PTPRD: variants seen among roughly 807,000 people sequenced by gnomAD.
The protein encoded by PTPRD is protein tyrosine phosphatase receptor type D.
A neutral mutation model predicts 214.5 loss-of-function variants in PTPRD; 34 were observed. The ratio of observed to expected loss-of-function variants is 0.16; its 90% confidence interval spans 0.12 to 0.21. The LOEUF is 0.21. Among genes scored for constraint, PTPRD ranks in the 10% least tolerant of loss-of-function variants. PTPRD has a pLI of 1.00. For missense variants in PTPRD, 2,545 were observed against 2,398.7 expected, an observed-to-expected ratio of 1.06 and a Z score of -1.27; for synonymous variants, 1,128 against 845.7, an observed-to-expected ratio of 1.33 and a Z score of -5.79.
intron 5 of PTPRD, among the ~76,000 whole-genome samples, chr9:9,867,828 A>G (rs1600288568): frequency 1.3e-5 from 2 of 152,316 alleles, no homozygotes; most frequent in South Asian, 2.1e-4. Context: ...CAACCAGTGA[A>G]GAAGATTCAA....
At chr9:9,138,408 T>G (rs974071408) in intron 10 of PTPRD, among the ~76,000 whole-genome samples, 3 of 152,192 alleles carry the variant, frequency 2.0e-5, no homozygotes, top group Non-Finnish European at 2.9e-5. Context: ...GAGTACTATT[T>G]GCACTTAAAA....
intron 7 of PTPRD, among the ~76,000 whole-genome samples, chr9:9,706,577 C>A (rs2097615028): frequency 6.6e-6 from 1 of 151,842 alleles, no homozygotes; most frequent in African/African-American, 2.4e-5. Flanking sequence ...GTAGATGGGA[C>A]TACAGTTGTG....
intron 14 of PTPRD, among the ~76,000 whole-genome samples, chr9:8,606,771 T>C (rs112296030): frequency 0.012 from 1,838 of 152,338 alleles, 20 homozygotes; most frequent in Non-Finnish European, 0.021. Context: ...CAATAATCTC[T>C]CTCACCTCCT....
At chr9:10,089,043 T>C (rs2098396719) in intron 3 of PTPRD, among the ~76,000 whole-genome samples, 1 of 151,400 alleles carries the variant, frequency 6.6e-6, no homozygotes, top group Non-Finnish European at 1.5e-5. Flanking sequence ...ACCCCATCTC[T>C]ATAAAGATTT....
In PTPRD at chr9:8,340,302, TAAATGTCTTATGAGGAGACACACA is replaced by T; in HGVS notation, c.5253+17_5253+40del. ...ACAAAGTCTTCATTTCTCCACAGAG[TAAATGTCTTATGAGGAGACACACA>T]AGGGCCACACACTTACTCTGCCCAT... On this transcript the variant is annotated intron_variant, in intron 42 of 45. Coordinates refer to ENST00000381196, the MANE Select transcript of PTPRD (RefSeq NM_002839.4). The T allele has an allele frequency of 6.5e-7, 1 of 1,541,104 alleles. No homozygotes were observed. The highest frequency in any genetic ancestry group is 8.9e-7 in the Non-Finnish European group (1 of 1,128,958).
intron 3 of PTPRD, among the ~76,000 whole-genome samples, chr9:10,065,140 T>TAAGAAAGAAAGAAAGAAAGA (rs1567443905): frequency 3.6e-4 from 3 of 8,384 alleles, no homozygotes; most frequent in South Asian, 2.5e-3. Context: ...GTGACTTGGA[T>TAAGAAAGAAAGAAAGAAAGA]TAGAAAGAAA....
chr9:9,912,164 A>T (rs944412803), intron 5 of PTPRD, among the ~76,000 whole-genome samples: 2 of 152,184 alleles, frequency 1.3e-5, no homozygotes, highest in African/African-American at 4.8e-5. Flanking sequence ...TAGAAGTAAA[A>T]GTGAAAGCAA....
At chr9:8,919,609 A>AT (rs750389180) in intron 11 of PTPRD, among the ~76,000 whole-genome samples, 29 of 151,848 alleles carry the variant, frequency 1.9e-4, no homozygotes, top group Non-Finnish European at 4.0e-4. Flanking sequence ...CACTTTTCCT[A>AT]TTTTTTCCAT....
intron 10 of PTPRD, among the ~76,000 whole-genome samples, chr9:9,080,491 T>C (rs1197264667): frequency 6.6e-6 from 1 of 152,094 alleles, no homozygotes; most frequent in Non-Finnish European, 1.5e-5. Context: ...TGATATCCTA[T>C]CATCTTATTA....
In PTPRD at chr9:8,937,534, C is replaced by A. The variant is rs138601639; in HGVS notation, c.-104+81163G>T. Reference sequence around the variant, plus strand: ...CTCTCCATTCTCTCCTCTGTGCACCCCGCAGTCTAGCATTTTAGCAATCTT... The same window carrying A: ...CTCTCCATTCTCTCCTCTGTGCACCACGCAGTCTAGCATTTTAGCAATCTT... On this transcript the variant is annotated intron_variant, in intron 11 of 45. Transcript: ENST00000381196. Among the ~76,000 whole-genome samples, 1,048 of 152,254 alleles carry A rather than the reference C, an allele frequency of 6.9e-3. 17 individuals are homozygous for A. The highest frequency in any genetic ancestry group is 5.6e-3 in the Non-Finnish European group (378 of 68,016).
chr9:9,992,388 G>A (rs2095970702), intron 4 of PTPRD, among the ~76,000 whole-genome samples: 1 of 152,210 alleles, frequency 6.6e-6, no homozygotes, highest in South Asian at 2.1e-4. Context: ...GGAAGCCAGT[G>A]TGGCGATTCC....
intron 10 of PTPRD, among the ~76,000 whole-genome samples, chr9:9,025,988 A>T (rs1381176783): frequency 6.6e-6 from 1 of 152,006 alleles, no homozygotes; most frequent in Non-Finnish European, 1.5e-5. Flanking sequence ...GTAATAAATG[A>T]CAAAGAAAGA....
chr9:10,320,803 C>G (rs1364670344), intron 3 of PTPRD, among the ~76,000 whole-genome samples: 1 of 152,072 alleles, frequency 6.6e-6, no homozygotes, highest in East Asian at 1.9e-4. Context: ...TCTTGGCTCA[C>G]TGCAACCTCT....
intron 41 of PTPRD, among the ~76,000 whole-genome samples, 195 bp from the exon 42 acceptor site, chr9:8,340,664 G>A (rs530962182): frequency 6.8e-4 from 104 of 152,194 alleles, no homozygotes; most frequent in Middle Eastern, 3.4e-3. Flanking sequence ...AAACTAAATT[G>A]CTTGTTAATA....
At chr9:10,057,268 T>C (rs2097670312) in intron 3 of PTPRD, among the ~76,000 whole-genome samples, 1 of 152,136 alleles carries the variant, frequency 6.6e-6, no homozygotes, top group Non-Finnish European at 1.5e-5. Flanking sequence ...ACTGGTGCAC[T>C]ACTATCAGTC....
intron 9 of PTPRD, among the ~76,000 whole-genome samples, chr9:9,216,164 T>A (rs957587739): frequency 1.2e-4 from 19 of 152,178 alleles, no homozygotes; most frequent in African/African-American, 4.1e-4. Context: ...TAATAGGGAC[T>A]ACCTCACAGA....
At chr9:9,564,000 G>C (rs1403847817) in intron 8 of PTPRD, among the ~76,000 whole-genome samples, 1 of 152,100 alleles carries the variant, frequency 6.6e-6, no homozygotes, top group Non-Finnish European at 1.5e-5. Context: ...AGGTTCAACT[G>C]AGTAGGTGAG....
At chr9:10,369,912 G>T (rs1306782557) in intron 2 of PTPRD, among the ~76,000 whole-genome samples, 3 of 152,028 alleles carry the variant, frequency 2.0e-5, no homozygotes, top group African/African-American at 7.2e-5. Flanking sequence ...GAACAATAAT[G>T]AGAACAAGTA....
In PTPRD at chr9:8,449,734, G is replaced by C. The variant is rs773381158; in HGVS notation, c.3979C>G (p.Gln1327Glu). The change falls in exon 34 of 46, where the codon CAA becomes GAA. Residue 1327 changes from glutamine to glutamate, a missense_variant. Gln to Glu is a conservative substitution (Grantham distance 29, BLOSUM62 2). Coordinates refer to ENST00000381196, the MANE Select transcript of PTPRD (RefSeq NM_002839.4). ...GTGTGATGCTTCTTACCCGGTGTTTGAAAGTTAAGGCGCCTCAGTTCTACA... is the reference window on the plus strand; with the variant it reads ...GTGTGATGCTTCTTACCCGGTGTTTCAAAGTTAAGGCGCCTCAGTTCTACA... ...DPVELRRLNF[Q>E]TPGMASHPPI... The C allele has an allele frequency of 1.9e-6, 3 of 1,613,972 alleles. No individual in the cohort carries two copies. Among genetic ancestry groups the C allele is most frequent in the Non-Finnish European group, 2.5e-6 (3 of 1,179,858 alleles).
Sources: allele counts gnomAD v4.1 joint callset (sites outside exome capture counted in the v4.1 genomes callset), GRCh38; gene constraint gnomAD v4.1.1; transcripts MANE v1.5; gene names NCBI Gene and HGNC (gene_info 2026-07-23, HGNC 2026-07-21).